CAMK2D: variants seen among roughly 807,000 people sequenced by gnomAD.
CAMK2D encodes calcium/calmodulin-dependent protein kinase type II subunit delta.
A neutral mutation model predicts 84.0 loss-of-function variants in CAMK2D; 37 were observed. That is an observed-to-expected ratio of 0.44 (90% CI 0.34 to 0.58). The LOEUF (loss-of-function observed/expected upper bound fraction) is 0.58. Ranked by LOEUF, CAMK2D falls within the 20% of genes least tolerant of loss-of-function variation. The pLI is 0.02. For missense variants in CAMK2D, 448 were observed against 652.5 expected (o/e 0.69, Z 3.41); for synonymous variants, 202 against 212.5 (o/e 0.95, Z 0.43).
chr4:113,528,304 T>C (rs991343978), intron 8 of CAMK2D, among the ~76,000 whole-genome samples: 5 of 152,156 alleles, frequency 3.3e-5, no homozygotes, highest in Admixed American at 3.3e-4. Flanking sequence ...GGCAAGAACT[T>C]TGATGATCTC....
intron 3 of CAMK2D, among the ~76,000 whole-genome samples, chr4:113,637,391 TTTG>T (rs2099114147): frequency 6.6e-6 from 1 of 152,202 alleles, no homozygotes; most frequent in South Asian, 2.1e-4. Flanking sequence ...AATGTTTCAT[TTTG>T]TTTTTCAAAA....
chr4:113,577,496 C>G (rs1449037971), intron 4 of CAMK2D, among the ~76,000 whole-genome samples: 1 of 152,158 alleles, frequency 6.6e-6, no homozygotes, highest in African/African-American at 2.4e-5. Flanking sequence ...GATCATAAGT[C>G]TTCTCACTGT....
At chr4:113,495,446 A>C (rs1365245528) in intron 16 of CAMK2D, among the ~76,000 whole-genome samples, 2 of 152,204 alleles carry the variant, frequency 1.3e-5, no homozygotes. Context: ...GAAATCCCAC[A>C]CAGAAAAGAA....
At chr4:113,736,791 C>G (rs556735611) in intron 2 of CAMK2D, among the ~76,000 whole-genome samples, 67 of 152,160 alleles carry the variant, frequency 4.4e-4, no homozygotes, top group Middle Eastern at 3.4e-3. Flanking sequence ...TACTACAAAG[C>G]TAAAAGTTTA....
chr4:113,465,704 ACCCATG>A (rs2097451680), intron 16 of CAMK2D, 100 bp from the exon 17 acceptor site: 4 of 741,040 alleles, frequency 5.4e-6, no homozygotes, highest in Non-Finnish European at 9.4e-6. Context: ...TCACTCTGTC[ACCCATG>A]CTGGAGTACA....
chr4:113,509,518 A>G (rs1418882904), intron 13 of CAMK2D, 120 bp downstream of exon 13: 2 of 677,616 alleles, frequency 3.0e-6, no homozygotes, highest in Non-Finnish European at 5.2e-6. Flanking sequence ...TTCAACCTGC[A>G]ACCTTTATCA....
In CAMK2D at chr4:113,699,978, T is replaced by A. The variant is rs1241417510; in HGVS notation, c.161-38206A>T. 3.3e-5 allele frequency among the ~76,000 whole-genome samples: 5 copies of A among 152,202 alleles called. No homozygotes were observed. In the East Asian group the frequency reaches 9.6e-4, roughly 29 times the overall value. The stretch of plus-strand genomic sequence containing the variant: ...TTTCAAATGACTATGTACTTAAGCA[T>A]CCTACATTCCTGCTTGTCTATAATA... On this transcript the variant is annotated intron_variant, in intron 2 of 20. Transcript: ENST00000511664.
At chr4:113,554,230 G>A (rs1375902649) in intron 4 of CAMK2D, among the ~76,000 whole-genome samples, 2 of 151,998 alleles carry the variant, frequency 1.3e-5, no homozygotes, top group African/African-American at 2.4e-5. Context: ...GACTCTTGAA[G>A]TAATGATTAA....
intron 3 of CAMK2D, among the ~76,000 whole-genome samples, chr4:113,613,360 C>A (rs1309606695): frequency 6.6e-6 from 1 of 152,002 alleles, no homozygotes; most frequent in African/African-American, 2.4e-5. Context: ...CTCCCTGAAA[C>A]CTTTCTGTGA....
intron 4 of CAMK2D, among the ~76,000 whole-genome samples, chr4:113,590,425 T>C (rs1002645932): frequency 3.9e-5 from 6 of 152,158 alleles, no homozygotes; most frequent in Non-Finnish European, 7.4e-5. Flanking sequence ...AATTCTAAAA[T>C]CTGATTCCCC....
intron 8 of CAMK2D, among the ~76,000 whole-genome samples, 171 bp downstream of exon 8, chr4:113,531,045 C>G (rs965598648): frequency 5.3e-5 from 8 of 152,172 alleles, no homozygotes; most frequent in African/African-American, 1.9e-4. Flanking sequence ...GATTGTACCA[C>G]TGCACTCCAG....
chr4:113,684,937 A>C lies in CAMK2D; in HGVS notation c.161-23165T>G, dbSNP rs2099355380. ...GTGCATTCCCTGAGGGCTTGAGAGC[A>C]CAGGCCTGCTGCTCCTCATCTCTCC... On this transcript the variant is annotated intron_variant, in intron 2 of 20. Coordinates refer to ENST00000511664, the MANE Select transcript of CAMK2D (RefSeq NM_001321571.2). 2.6e-5 allele frequency among the ~76,000 whole-genome samples: 4 copies of C among 152,320 alleles called. No homozygotes were observed. The South Asian group carries it at 8.3e-4, about 32-fold the overall frequency.
chr4:113,704,371 CTT>C (rs1340900618), intron 2 of CAMK2D, among the ~76,000 whole-genome samples: 2 of 151,924 alleles, frequency 1.3e-5, no homozygotes, highest in Non-Finnish European at 2.9e-5. Context: ...AAAAAATTGA[CTT>C]TATTGTTTTA....
intron 3 of CAMK2D, among the ~76,000 whole-genome samples, chr4:113,631,497 G>T (rs1335960348): frequency 1.3e-5 from 2 of 152,194 alleles, no homozygotes; most frequent in Non-Finnish European, 2.9e-5. Flanking sequence ...TTAACTGTGA[G>T]AATCTGCTAG....
intron 2 of CAMK2D, among the ~76,000 whole-genome samples, chr4:113,717,473 G>C (rs2099517133): frequency 6.6e-6 from 1 of 151,868 alleles, no homozygotes; most frequent in Non-Finnish European, 1.5e-5. Context: ...AAAATTCCAG[G>C]ACTTGGTACT....
chr4:113,550,329 C>A (rs114221358), intron 5 of CAMK2D, among the ~76,000 whole-genome samples: 2 of 152,258 alleles, frequency 1.3e-5, no homozygotes, highest in African/African-American at 4.8e-5. Flanking sequence ...CATGCTGCCA[C>A]ACCTGGCTAA....
chr4:113,512,345 A>T (rs1050524554), intron 12 of CAMK2D, among the ~76,000 whole-genome samples: 1 of 152,232 alleles, frequency 6.6e-6, no homozygotes. Flanking sequence ...CTTACAATAA[A>T]GAAATGGCTT....
chr4:113,735,466 C>A (rs2099579160), intron 2 of CAMK2D, among the ~76,000 whole-genome samples: 1 of 124,522 alleles, frequency 8.0e-6, no homozygotes. Flanking sequence ...CAGAGTGAGA[C>A]CGTCTCAAAA....
chr4:113,687,972 T>C (rs1255857338), intron 2 of CAMK2D, among the ~76,000 whole-genome samples: 2 of 152,114 alleles, frequency 1.3e-5, no homozygotes, highest in African/African-American at 4.8e-5. Context: ...ATTTGCAAAA[T>C]GAAATACACA....
Sources: allele counts gnomAD v4.1 joint callset (sites outside exome capture counted in the v4.1 genomes callset), GRCh38; gene constraint gnomAD v4.1.1; transcripts MANE v1.5; gene names NCBI Gene and HGNC (gene_info 2026-07-23, HGNC 2026-07-21).